Variants in QTMAN observed in about 807,000 individuals in gnomAD.
The protein encoded by QTMAN is tRNA-queuosine alpha-mannosyltransferase.
chr2:143,957,701 AC>A, the QTMAN span, among the ~76,000 whole-genome samples: 1 of 152,208 alleles, frequency 6.6e-6, no homozygotes, highest in Admixed American at 6.5e-5. Flanking sequence ...GAGGCAACAA[AC>A]ACATCACACC....
the QTMAN span, among the ~76,000 whole-genome samples, chr2:144,108,570 G>A: frequency 2.7e-5 from 4 of 149,926 alleles, no homozygotes; most frequent in African/African-American, 5.0e-5. Flanking sequence ...CCTGGGAGGC[G>A]GAGCTTGGAG....
chr2:144,122,635 A>G, the QTMAN span, among the ~76,000 whole-genome samples: 19 of 152,098 alleles, frequency 1.2e-4, no homozygotes, highest in Admixed American at 3.3e-4. Context: ...ACCCTCCAAA[A>G]AACTCTCCTC....
chr2:143,989,109 C>T, the QTMAN span, among the ~76,000 whole-genome samples: 1 of 151,944 alleles, frequency 6.6e-6, no homozygotes, highest in Admixed American at 6.6e-5. Flanking sequence ...TTTTTCTTTA[C>T]CTCTTATTTA....
the QTMAN span, among the ~76,000 whole-genome samples, chr2:144,196,371 A>G: frequency 6.6e-6 from 1 of 152,072 alleles, no homozygotes; most frequent in Non-Finnish European, 1.5e-5. Flanking sequence ...TATCTACTTT[A>G]ATTTTATAAA....
chr2:144,025,075 C>A, the QTMAN span, among the ~76,000 whole-genome samples: 1 of 152,282 alleles, frequency 6.6e-6, no homozygotes, highest in Admixed American at 6.5e-5. Flanking sequence ...GGATTAATAC[C>A]TGCAAACGCT....
the QTMAN span, among the ~76,000 whole-genome samples, chr2:144,194,391 G>T: frequency 6.6e-6 from 1 of 152,170 alleles, no homozygotes; most frequent in African/African-American, 2.4e-5. Context: ...CTAGTCCAAG[G>T]CCCTTTCCTC....
the QTMAN span, among the ~76,000 whole-genome samples, chr2:143,973,714 G>A: frequency 2.0e-5 from 3 of 151,910 alleles, no homozygotes; most frequent in East Asian, 1.9e-4. Flanking sequence ...GCATGAACCC[G>A]GGAGGCGGAG....
At chr2:144,150,632 T>C in the QTMAN span, among the ~76,000 whole-genome samples, 1 of 152,160 alleles carries the variant, frequency 6.6e-6, no homozygotes, top group South Asian at 2.1e-4. Flanking sequence ...CTTAACTGAT[T>C]TTCCTGAACA....
At chr2:144,043,856 G>C in the QTMAN span, among the ~76,000 whole-genome samples, 1 of 152,118 alleles carries the variant, frequency 6.6e-6, no homozygotes, top group Non-Finnish European at 1.5e-5. Context: ...CTGGAATTAT[G>C]CTGCTTCAGA....
chr2:143,944,521 C>T, the QTMAN span: 3 of 152,334 alleles, frequency 2.0e-5, no homozygotes, highest in African/African-American at 4.8e-5. Context: ...CGGCTCACTG[C>T]AAGCTCCGCC....
the QTMAN span, among the ~76,000 whole-genome samples, chr2:144,133,437 TATATAATATATA>T: frequency 6.1e-3 from 359 of 58,772 alleles, 5 homozygotes; most frequent in African/African-American, 0.035. Context: ...TAATATATAA[TATATAATATATA>T]ATATATAATA....
chr2:143,981,792 C>T, the QTMAN span, among the ~76,000 whole-genome samples: 2 of 152,062 alleles, frequency 1.3e-5, no homozygotes, highest in South Asian at 4.1e-4. Flanking sequence ...AATGTCTGTT[C>T]TATAAAGACC....
chr2:144,255,410 T>A, the QTMAN span, among the ~76,000 whole-genome samples: 2 of 152,168 alleles, frequency 1.3e-5, no homozygotes, highest in Non-Finnish European at 2.9e-5. Flanking sequence ...GGCCGTGATG[T>A]GAAGGACAAG....
chr2:144,054,066 T>C, the QTMAN span, among the ~76,000 whole-genome samples: 3 of 151,912 alleles, frequency 2.0e-5, no homozygotes, highest in Non-Finnish European at 4.4e-5. Flanking sequence ...TGGGCGCCTG[T>C]AGTCCCAGCT....
At chr2:144,066,644 T>C in the QTMAN span, among the ~76,000 whole-genome samples, 1 of 152,122 alleles carries the variant, frequency 6.6e-6, no homozygotes, top group African/African-American at 2.4e-5. Context: ...AATGAAACCC[T>C]GTCTGTACTA....
At chr2:144,294,117 T>A in the QTMAN span, among the ~76,000 whole-genome samples, 1 of 152,222 alleles carries the variant, frequency 6.6e-6, no homozygotes. Flanking sequence ...TTCCACCACT[T>A]AGCAGGGTAA....
At chr2:144,100,859 C>CTTTTTTTTTTTTTTTTTTTT in the QTMAN span, among the ~76,000 whole-genome samples, 8 of 77,920 alleles carry the variant, frequency 1.0e-4, no homozygotes, top group East Asian at 8.5e-4. Context: ...GTCTTTCTTT[C>CTTTTTTTTTTTTTTTTTTTT]TTTTTTTTTT....
chr2:143,947,084 G>A, the QTMAN span: 4 of 1,613,846 alleles, frequency 2.5e-6, no homozygotes, highest in Non-Finnish European at 3.4e-6. Flanking sequence ...GTTGTAAGCA[G>A]AGACCTGAAT....
the QTMAN span, among the ~76,000 whole-genome samples, chr2:144,223,513 A>G: frequency 6.6e-6 from 1 of 152,162 alleles, no homozygotes; most frequent in East Asian, 1.9e-4. Flanking sequence ...TAGTACTCTG[A>G]CCTTCTAGAA....
Sources: allele counts gnomAD v4.1 joint callset (sites outside exome capture counted in the v4.1 genomes callset), GRCh38; gene constraint gnomAD v4.1.1; transcripts MANE v1.5; gene names NCBI Gene and HGNC (gene_info 2026-07-23, HGNC 2026-07-21).